CFTR: variants seen among roughly 807,000 people sequenced by gnomAD.
The protein encoded by CFTR is CF transmembrane conductance regulator.
CFTR carries 181 observed loss-of-function variants against 171.6 expected under a neutral mutation model. The ratio of observed to expected loss-of-function variants is 1.05; its 90% CI spans 0.93 to 1.19. The LOEUF (loss-of-function observed/expected upper bound fraction) is 1.19, where lower values mean the gene tolerates loss of function less well. CFTR is among the 50% of genes most tolerant of loss of function. The pLI is 0.00. For synonymous variants in CFTR, 583 were observed against 608.0 expected, an observed-to-expected ratio of 0.96 and a Z score of 0.60; for missense variants, 1,968 against 1,734.7, an observed-to-expected ratio of 1.13 and a Z score of -2.39.
At chr7:117,656,710 A>G (rs947012821) in intron 24 of CFTR, among the ~76,000 whole-genome samples, 3 of 152,194 alleles carry the variant, frequency 2.0e-5, no homozygotes, top group Non-Finnish European at 4.4e-5. Flanking sequence ...CTTAAGTCCA[A>G]AGGTCTGGAT....
At chr7:117,627,907 A>G in intron 22 of CFTR, 137 bp downstream of exon 22, 3 of 886,216 alleles carry the variant, frequency 3.4e-6, no homozygotes, top group Middle Eastern at 2.2e-4. Context: ...CACATGTTTT[A>G]TTATATGGAG....
intron 21 of CFTR, chr7:117,616,281 T>C (rs1792489824): frequency 6.6e-6 from 1 of 151,952 alleles, no homozygotes; most frequent in African/African-American, 2.4e-5. Context: ...TGTAGTTCGG[T>C]CTTTAATTCC....
At chr7:117,494,353 C>A (rs1562879947) in intron 1 of CFTR, among the ~76,000 whole-genome samples, 1 of 151,974 alleles carries the variant, frequency 6.6e-6, no homozygotes. Flanking sequence ...AGTGAGAGGT[C>A]ATTACATCAT....
chr7:117,507,948 C>T (rs897502975), intron 2 of CFTR, among the ~76,000 whole-genome samples: 1 of 152,146 alleles, frequency 6.6e-6, no homozygotes, highest in African/African-American at 2.4e-5. Context: ...CCAGGCCTGG[C>T]TAATTTTTGT....
intron 3 of CFTR, among the ~76,000 whole-genome samples, chr7:117,515,898 G>T (rs1205434554): frequency 6.6e-6 from 1 of 151,960 alleles, no homozygotes; most frequent in African/African-American, 2.4e-5. Flanking sequence ...TAGGTATTTT[G>T]TTCTCTTTGT....
Position 117,606,566 on chromosome 7 carries a change from T to C in CFTR, c.2909-108T>C, listed in dbSNP as rs1258699464. On this transcript the variant is annotated intron_variant, in intron 17 of 26. Transcript: ENST00000003084. ...ATCTGATTCTATTTGCTAATTCTTA[T>C]TTGGGTTCTGAATGCGTCTACTGTG... 5.6e-6 allele frequency: 4 copies of C among 714,328 alleles called. No homozygotes were observed. In the Admixed American group the frequency reaches 8.2e-5, roughly 15 times the overall value. The allele number at this position is 714,328 out of a possible 1,614,324, so 44.2% of individuals were successfully genotyped here.
chr7:117,644,862 G>A (rs979082415), intron 23 of CFTR, among the ~76,000 whole-genome samples: 1 of 152,112 alleles, frequency 6.6e-6, no homozygotes, highest in African/African-American at 2.4e-5. Flanking sequence ...AGACAATGAG[G>A]CTAATCATGA....
In CFTR at chr7:117,612,354, C is replaced by T. The variant is rs186221212; in HGVS notation, c.3367+546C>T. Reference sequence around the variant, plus strand: ...TGAGTTTTACACAAAGAAAAACTGTCACAGAAAAGAAAGACAGTGTCACAT... The same window carrying T: ...TGAGTTTTACACAAAGAAAAACTGTTACAGAAAAGAAAGACAGTGTCACAT... On this transcript the variant is annotated intron_variant, in intron 20 of 26. Coordinates refer to ENST00000003084, the MANE Select transcript of CFTR (RefSeq NM_000492.4). Among the ~76,000 whole-genome samples the T allele has an allele frequency of 2.0e-3, 298 of 150,242 alleles. 1 individual carries two copies. The highest frequency in any genetic ancestry group is 7.1e-3 in the African/African-American group (290 of 40,790).
At chr7:117,504,220 A>G (rs1435721638) in intron 1 of CFTR, 33 bp from the exon 2 acceptor site, 1 of 1,269,814 alleles carries the variant, frequency 7.9e-7, no homozygotes, top group Admixed American at 1.7e-5. Flanking sequence ...GACCAAATCA[A>G]GTGAATATCT....
rs766126240 is a variant in CFTR at position 117,611,679 on chromosome 7, A to G, written c.3238A>G (p.Lys1080Glu). The change falls in exon 20 of 27, where the codon AAA (lysine) becomes GAA (glutamate). Residue 1080 changes from lysine to glutamate, a missense_variant. By Grantham distance (56) the Lys-to-Glu change is moderately conservative. Transcript: ENST00000003084. Reference protein sequence around the residue: ...RQPYFETLFHKALNLHTANWF... With the variant: ...RQPYFETLFHEALNLHTANWF... ...GCCTTACTTTGAAACTCTGTTCCACAAAGCTCTGAATTTACATACTGCCAA... is the reference window on the plus strand; with the variant it reads ...GCCTTACTTTGAAACTCTGTTCCACGAAGCTCTGAATTTACATACTGCCAA... The G allele has an allele frequency of 1.2e-6, 2 of 1,613,504 alleles. No homozygotes were observed. Among genetic ancestry groups the G allele is most frequent in the East Asian group, 2.2e-5 (1 of 44,860 alleles).
chr7:117,599,707 A>T (rs1792192874), intron 15 of CFTR, among the ~76,000 whole-genome samples: 2 of 152,150 alleles, frequency 1.3e-5, no homozygotes, highest in Admixed American at 6.5e-5. Context: ...GTAATTTTTT[A>T]AAAGTATGTG....
intron 10 of CFTR, 101 bp downstream of exon 10, chr7:117,548,924 A>T: frequency 6.7e-7 from 1 of 1,496,532 alleles, no homozygotes; most frequent in Non-Finnish European, 9.0e-7. Flanking sequence ...AGAAATTCTT[A>T]CATGAGCATT....
intron 20 of CFTR, among the ~76,000 whole-genome samples, chr7:117,614,016 T>C (rs1792444984): frequency 6.7e-6 from 1 of 149,028 alleles, no homozygotes; most frequent in Non-Finnish European, 1.5e-5. Context: ...TTTTTTTTTT[T>C]TTTTTTTTGC....
intron 10 of CFTR, 143 bp from the exon 11 acceptor site, chr7:117,559,321 G>C: frequency 2.9e-6 from 2 of 682,698 alleles, no homozygotes; most frequent in Non-Finnish European, 5.2e-6. Flanking sequence ...GAAACAGGAA[G>C]TATTTTAAAT....
rs397508550 is a variant in CFTR at position 117,614,634 on chromosome 7, G to C, written c.3389G>C (p.Gly1130Ala). The change falls in exon 21 of 27, where the codon GGT becomes GCT. Residue 1130 changes from glycine to alanine, a missense_variant. Coordinates refer to ENST00000003084, the MANE Select transcript of CFTR (RefSeq NM_000492.4). ...LTTGEGEGRV[G>A]IILTLAMNIM... ...ATAGGAGAAGGAGAAGGAAGAGTTGGTATTATCCTGACTTTAGCCATGAAT... is the reference window on the plus strand; with the variant it reads ...ATAGGAGAAGGAGAAGGAAGAGTTGCTATTATCCTGACTTTAGCCATGAAT... 3.5e-5 allele frequency: 57 copies of C among 1,611,056 alleles called. No homozygotes were observed. Among genetic ancestry groups the C allele is most frequent in the Non-Finnish European group, 4.7e-5 (55 of 1,177,524 alleles).
intron 2 of CFTR, among the ~76,000 whole-genome samples, chr7:117,507,497 C>T (rs1298365090): frequency 6.6e-6 from 1 of 152,216 alleles, no homozygotes; most frequent in African/African-American, 2.4e-5. Context: ...TATGTACACA[C>T]CCCTTCCTTG....
chr7:117,656,016 T>C (rs976896836), intron 24 of CFTR, among the ~76,000 whole-genome samples: 12 of 152,096 alleles, frequency 7.9e-5, no homozygotes, highest in African/African-American at 2.9e-4. Flanking sequence ...TCTTTGAAGT[T>C]AGGATTTCAA....
In CFTR at chr7:117,614,764, C is replaced by A. The variant is rs777394766; in HGVS notation, c.3468+51C>A. The A allele has an allele frequency of 7.3e-5, 86 of 1,175,244 alleles. No individual in the cohort carries two copies. The highest frequency in any genetic ancestry group is 9.2e-5 in the Non-Finnish European group (72 of 781,666). The allele number at this position is 1,175,244 out of a possible 1,614,324, so 72.8% of individuals were successfully genotyped here. A position where few individuals can be genotyped will look rare whatever the true frequency, so the allele number is the denominator to read the frequency against. ...TTATGAAAAAAATTCAGACAAGTAA[C>A]AAAGTATGAGTAATAGCATGAGGAA... On this transcript the variant is annotated intron_variant, in intron 21 of 26. Coordinates refer to ENST00000003084, the MANE Select transcript of CFTR (RefSeq NM_000492.4).
intron 2 of CFTR, among the ~76,000 whole-genome samples, chr7:117,506,007 T>C (rs965871628): frequency 3.3e-5 from 5 of 152,170 alleles, no homozygotes; most frequent in Admixed American, 2.6e-4. Context: ...TTATTTTTTA[T>C]TGGGTTCGAT....
Sources: gnomAD v4.1 joint callset for allele counts (sites outside exome capture counted in the v4.1 genomes callset) on GRCh38, gnomAD v4.1.1 for gene constraint, MANE v1.5 for transcripts, NCBI Gene and HGNC (gene_info 2026-07-23, HGNC 2026-07-21) for gene names.